The following NFIB variants were observed in gnomAD, a reference collection of about 807,000 sequenced individuals.
The protein encoded by NFIB is nuclear factor I B.
NFIB carries 11 observed loss-of-function variants against 61.5 expected under a neutral mutation model. The ratio of observed to expected loss-of-function variants is 0.18; its 90% CI spans 0.11 to 0.30. NFIB has a LOEUF of 0.30. Ranked by LOEUF, NFIB falls within the 10% of genes least tolerant of loss-of-function variation. The probability of loss-of-function intolerance (pLI) is 1.00; values close to 1 mark genes in which losing one functional copy is unlikely to be tolerated. For missense variants in NFIB, 471 were observed against 608.9 expected (o/e 0.77, Z 2.38); for synonymous variants, 260 against 216.5 (o/e 1.20, Z -1.76).
chr9:14,231,120 G>GGAAAA (rs1491094106), intron 2 of NFIB, among the ~76,000 whole-genome samples: 2 of 65,808 alleles, frequency 3.0e-5, no homozygotes, highest in African/African-American at 1.2e-4. Flanking sequence ...TTTCCATGGG[G>GGAAAA]AAAAAAAAAA....
intron 2 of NFIB, among the ~76,000 whole-genome samples, chr9:14,278,722 T>C (rs1419155400): frequency 6.6e-6 from 1 of 152,196 alleles, no homozygotes; most frequent in African/African-American, 2.4e-5. Context: ...AACCCCACCA[T>C]GATTCAGAAG....
intron 1 of NFIB, among the ~76,000 whole-genome samples, chr9:14,363,669 T>G (rs889179819): frequency 1.3e-5 from 2 of 150,954 alleles, no homozygotes; most frequent in African/African-American, 4.9e-5. Flanking sequence ...ATAAACATCT[T>G]TAAACTTTAT....
the NFIB span, among the ~76,000 whole-genome samples, chr9:14,458,964 T>G: frequency 1.3e-5 from 2 of 152,128 alleles, no homozygotes; most frequent in Non-Finnish European, 2.9e-5. Flanking sequence ...ATAGATTCAA[T>G]GCCATCCCCA....
At chr9:14,367,408 C>G (rs2061313120) in intron 1 of NFIB, among the ~76,000 whole-genome samples, 2 of 151,584 alleles carry the variant, frequency 1.3e-5, no homozygotes. Flanking sequence ...GAAGACATGC[C>G]AAGCAGAGGG....
At chr9:14,155,779 T>G in intron 4 of NFIB, 46 bp downstream of exon 4, 1 of 1,215,026 alleles carries the variant, frequency 8.2e-7, no homozygotes, top group Non-Finnish European at 1.2e-6. Context: ...ATAAAGTATT[T>G]TAAATCATAC....
chr9:14,202,810 A>G (rs1458565602), intron 2 of NFIB, among the ~76,000 whole-genome samples: 3 of 152,194 alleles, frequency 2.0e-5, no homozygotes, highest in East Asian at 1.9e-4. Flanking sequence ...CACAATGTCA[A>G]TTAATACCAA....
intron 3 of NFIB, among the ~76,000 whole-genome samples, chr9:14,162,261 A>T (rs575710751): frequency 1.3e-4 from 20 of 151,942 alleles, no homozygotes; most frequent in African/African-American, 4.3e-4. Flanking sequence ...TTTTTTTCTC[A>T]TTATCTGAAA....
intron 1 of NFIB, among the ~76,000 whole-genome samples, chr9:14,350,468 AC>A (rs2132909900): frequency 7.3e-6 from 1 of 136,494 alleles, no homozygotes; most frequent in South Asian, 2.8e-4. Flanking sequence ...GCAAATCGCC[AC>A]CCCCGCTGCC....
chr9:14,198,181 G>A (rs766980695), intron 2 of NFIB, among the ~76,000 whole-genome samples: 1 of 152,068 alleles, frequency 6.6e-6, no homozygotes, highest in African/African-American at 2.4e-5. Context: ...TAGAGAAATG[G>A]GGTTTCCCTT....
At chr9:14,423,221 CA>C in the NFIB span, among the ~76,000 whole-genome samples, 1 of 152,150 alleles carries the variant, frequency 6.6e-6, no homozygotes, top group African/African-American at 2.4e-5. Context: ...AAAACGTACT[CA>C]TCTACTTCAT....
At chr9:14,290,290 T>C (rs1338639404) in intron 2 of NFIB, among the ~76,000 whole-genome samples, 3 of 151,952 alleles carry the variant, frequency 2.0e-5, no homozygotes, top group Non-Finnish European at 4.4e-5. Flanking sequence ...AACTGGAAAA[T>C]TTGCCAAATT....
At chr9:14,436,038 G>A in the NFIB span, among the ~76,000 whole-genome samples, 5 of 152,134 alleles carry the variant, frequency 3.3e-5, no homozygotes, top group African/African-American at 4.8e-5. Context: ...CTTCCCTTGC[G>A]CTGATCCACA....
Position 14,116,081 on chromosome 9 carries a change from C to G in NFIB, c.1384+127G>C, listed in dbSNP as rs142593167. On this transcript the variant is annotated intron_variant, in intron 9 of 10. Transcript: ENST00000380953. ...CTCCACTTAAATGAGAAATCTCCATCTGGTCAGGTAGCTGGAAAAATTGCC... is the reference window on the plus strand; with the variant it reads ...CTCCACTTAAATGAGAAATCTCCATGTGGTCAGGTAGCTGGAAAAATTGCC... 118 of 1,149,396 alleles carry G rather than the reference C, an allele frequency of 1.0e-4. 1 individual carries two copies. The East Asian group carries it at 3.7e-3, about 36-fold the overall frequency. The allele number at this position is 1,149,396 out of a possible 1,614,324, so 71.2% of individuals were successfully genotyped here.
chr9:14,155,792 C>A (rs1222640819), intron 4 of NFIB, 33 bp downstream of exon 4: 1 of 1,305,392 alleles, frequency 7.7e-7, no homozygotes, highest in Non-Finnish European at 1.1e-6. Context: ...AATCATACTG[C>A]ATGCTTAAGT....
chr9:14,384,487 G>T (rs1285923193), intron 1 of NFIB, among the ~76,000 whole-genome samples: 2 of 152,066 alleles, frequency 1.3e-5, no homozygotes, highest in Admixed American at 1.3e-4. Context: ...GTTTTAAATT[G>T]CTTTTATTTT....
chr9:14,468,330 C>T, the NFIB span, among the ~76,000 whole-genome samples: 1 of 152,112 alleles, frequency 6.6e-6, no homozygotes, highest in Admixed American at 6.5e-5. Flanking sequence ...CACCTCTTTG[C>T]CAGTAAGATA....
At chr9:14,265,281 A>G (rs946146826) in intron 2 of NFIB, among the ~76,000 whole-genome samples, 3 of 152,198 alleles carry the variant, frequency 2.0e-5, no homozygotes, top group African/African-American at 7.2e-5. Context: ...TGTCCCCCCA[A>G]AATTCACATG....
chr9:14,125,320 G>T (rs1044496756), intron 7 of NFIB, among the ~76,000 whole-genome samples: 1 of 152,032 alleles, frequency 6.6e-6, no homozygotes, highest in Admixed American at 6.6e-5. Context: ...ACCATGCCAG[G>T]CTAATTTTTG....
At chr9:14,231,135 AATATAT>A (rs1554681460) in intron 2 of NFIB, among the ~76,000 whole-genome samples, 58 of 35,352 alleles carry the variant, frequency 1.6e-3, no homozygotes, top group African/African-American at 4.5e-3. Context: ...AAAAAAAAAA[AATATAT>A]ATATATATAT....
Sources: gnomAD v4.1 joint callset for allele counts (sites outside exome capture counted in the v4.1 genomes callset) on GRCh38, gnomAD v4.1.1 for gene constraint, MANE v1.5 for transcripts, NCBI Gene and HGNC (gene_info 2026-07-23, HGNC 2026-07-21) for gene names.